The following CCND3 variants were observed in gnomAD, a reference collection of about 807,000 sequenced individuals.
CCND3 encodes cyclin D3.
A neutral mutation model predicts 28.7 loss-of-function variants in CCND3; 9 were observed. The observed-to-expected ratio is 0.31, with a 90% CI of 0.19 to 0.55. CCND3 has a LOEUF of 0.55. CCND3 is among the 20% of genes least tolerant of loss of function. The probability of loss-of-function intolerance (pLI) is 0.93; values close to 1 mark genes in which losing one functional copy is unlikely to be tolerated. For synonymous variants in CCND3, 164 were observed against 163.9 expected (o/e 1.00, Z 0.00); for missense variants, 315 against 385.8 (o/e 0.82, Z 1.54).
chr6:41,964,656 C>A (rs556521214), intron 1 of CCND3, among the ~76,000 whole-genome samples: 1 of 152,160 alleles, frequency 6.6e-6, no homozygotes, highest in African/African-American at 2.4e-5. Flanking sequence ...TTCAGCACTG[C>A]CAGCAGACCC....
chr6:41,959,703 C>A (rs985209683), intron 1 of CCND3, among the ~76,000 whole-genome samples: 7 of 136,908 alleles, frequency 5.1e-5, no homozygotes, highest in African/African-American at 1.4e-4. Flanking sequence ...CGCGGTGGCT[C>A]ACACCTGTAG....
chr6:41,993,214 T>G (rs756677852), intron 1 of CCND3, among the ~76,000 whole-genome samples: 4 of 152,068 alleles, frequency 2.6e-5, no homozygotes, highest in Non-Finnish European at 4.4e-5. Flanking sequence ...GATTTACAGT[T>G]TTTTGAGGAA....
intron 1 of CCND3, among the ~76,000 whole-genome samples, chr6:42,032,028 T>G (rs1764061118): frequency 6.6e-6 from 1 of 152,098 alleles, no homozygotes; most frequent in South Asian, 2.1e-4. Context: ...TGACCTCAGG[T>G]GATCCACCTG....
At chr6:41,987,517 CTGTGTGTGTG>C (rs139188810) in intron 1 of CCND3, among the ~76,000 whole-genome samples, 4 of 60,256 alleles carry the variant, frequency 6.6e-5, no homozygotes, top group African/African-American at 2.7e-4. Context: ...CTCTCTCTCT[CTGTGTGTGTG>C]TGTGTGTGTG....
intron 1 of CCND3, among the ~76,000 whole-genome samples, chr6:41,957,193 A>G (rs16895130): frequency 0.22 from 33,509 of 152,260 alleles, 4,180 homozygotes; most frequent in Middle Eastern, 0.36. Context: ...AGAGAGCCTC[A>G]TCTTCACATT....
intron 1 of CCND3, among the ~76,000 whole-genome samples, chr6:41,988,037 C>T (rs1762537409): frequency 6.6e-6 from 1 of 151,912 alleles, no homozygotes; most frequent in African/African-American, 2.4e-5. Context: ...TAAAACAGAC[C>T]AGGCACGGTG....
chr6:41,975,708 C>T (rs930911075), intron 1 of CCND3, among the ~76,000 whole-genome samples: 1 of 151,154 alleles, frequency 6.6e-6, no homozygotes, highest in African/African-American at 2.4e-5. Context: ...CAGGCTACCT[C>T]TCCACTCACT....
intron 1 of CCND3, among the ~76,000 whole-genome samples, chr6:42,016,836 T>C (rs1170679768): frequency 6.6e-6 from 1 of 152,128 alleles, no homozygotes; most frequent in African/African-American, 2.4e-5. Context: ...CCAACCACCA[T>C]GGCCTTCCAA....
At chr6:42,019,954 C>T (rs891541708) in intron 1 of CCND3, among the ~76,000 whole-genome samples, 3 of 152,022 alleles carry the variant, frequency 2.0e-5, no homozygotes, top group Non-Finnish European at 4.4e-5. Context: ...CCATATTGTC[C>T]AAATTCCTAA....
chr6:42,038,979 C>T (rs1764299772), intron 1 of CCND3, among the ~76,000 whole-genome samples: 1 of 152,172 alleles, frequency 6.6e-6, no homozygotes, highest in Non-Finnish European at 1.5e-5. Flanking sequence ...TACTGAATTC[C>T]TAAATGTGCA....
At chr6:42,012,632 T>G (rs764259744) in intron 1 of CCND3, among the ~76,000 whole-genome samples, 1 of 151,922 alleles carries the variant, frequency 6.6e-6, no homozygotes, top group Admixed American at 6.6e-5. Context: ...AAATGATGAG[T>G]GAAGGAGTTC....
chr6:41,980,010 TCACACACA>T (rs58375638), intron 1 of CCND3, among the ~76,000 whole-genome samples: 1 of 137,090 alleles, frequency 7.3e-6, no homozygotes, highest in Non-Finnish European at 1.6e-5. Flanking sequence ...GCTTTCAAAA[TCACACACA>T]CACACACACA....
At chr6:41,996,150 T>C (rs1221661005) in intron 1 of CCND3, among the ~76,000 whole-genome samples, 1 of 138,000 alleles carries the variant, frequency 7.2e-6, no homozygotes, top group Non-Finnish European at 1.5e-5. Context: ...TTTTTTTGTT[T>C]GTTTGTTTGT....
Position 42,019,988 on chromosome 6 carries a change from T to A in CCND3, c.-46+28513A>T, listed in dbSNP as rs180934712. On this transcript the variant is annotated intron_variant, in intron 1 of 4. Coordinates refer to the CCND3 transcript ENST00000372988. ...AAAAATAATCATCTTATAATTTTTTTAAAAACCTTGCCGGGAGCGGTGGCT... is the reference window on the plus strand; with the variant it reads ...AAAAATAATCATCTTATAATTTTTTAAAAAACCTTGCCGGGAGCGGTGGCT... Among the ~76,000 whole-genome samples, 1,278 of 152,248 alleles carry A rather than the reference T, an allele frequency of 8.4e-3. 17 individuals are homozygous for A. The highest frequency in any genetic ancestry group is 0.028 in the African/African-American group (1,155 of 41,530).
chr6:42,000,397 C>T (rs1362325589), intron 1 of CCND3, among the ~76,000 whole-genome samples: 2 of 150,184 alleles, frequency 1.3e-5, no homozygotes, highest in South Asian at 2.1e-4. Context: ...CCCGACACCA[C>T]ACCCGGCTAA....
chr6:41,962,279 T>C lies in CCND3; in HGVS notation c.-45-21694A>G, dbSNP rs1345563427. Among the ~76,000 whole-genome samples the C allele has an allele frequency of 2.6e-5, 4 of 152,210 alleles. No homozygotes were observed. In the East Asian group the frequency reaches 5.9e-4, roughly 22 times the overall value. ...CCACCCTGGCTAATTTTTATATTTTTAGTAGAGACAGGGTTTCACCATGTT... is the reference window on the plus strand; with the variant it reads ...CCACCCTGGCTAATTTTTATATTTTCAGTAGAGACAGGGTTTCACCATGTT... On this transcript the variant is annotated intron_variant, in intron 1 of 4. Coordinates refer to the CCND3 transcript ENST00000372988.
At chr6:41,967,060 C>T (rs1054163733) in intron 1 of CCND3, among the ~76,000 whole-genome samples, 3 of 152,080 alleles carry the variant, frequency 2.0e-5, no homozygotes, top group Non-Finnish European at 4.4e-5. Flanking sequence ...TCCTGGATTC[C>T]CTAGCAGAGG....
At chr6:42,025,159 G>A (rs1763837274) in intron 1 of CCND3, among the ~76,000 whole-genome samples, 1 of 152,242 alleles carries the variant, frequency 6.6e-6, no homozygotes, top group Non-Finnish European at 1.5e-5. Context: ...AGTGACCCAT[G>A]CACGCAGGCA....
intron 1 of CCND3, among the ~76,000 whole-genome samples, chr6:41,976,384 A>G (rs939658290): frequency 6.6e-6 from 1 of 151,998 alleles, no homozygotes; most frequent in Admixed American, 6.6e-5. Context: ...GGGTGTGATA[A>G]CACACACCTG....
Sources: gnomAD v4.1 joint callset for allele counts (sites outside exome capture counted in the v4.1 genomes callset) on GRCh38, gnomAD v4.1.1 for gene constraint, MANE v1.5 for transcripts, NCBI Gene and HGNC (gene_info 2026-07-23, HGNC 2026-07-21) for gene names.